ALK: variants seen among roughly 807,000 people sequenced by gnomAD.
ALK encodes the protein ALK receptor tyrosine kinase.
Under a neutral mutation model 163.1 loss-of-function variants are expected in ALK, and 74 were observed. That is an observed-to-expected ratio of 0.45 (90% confidence interval 0.38 to 0.55). The LOEUF (loss-of-function observed/expected upper bound fraction) is 0.55, where lower values mean the gene tolerates loss of function less well. Among genes scored for constraint, ALK ranks in the 20% least tolerant of loss-of-function variants. The pLI is 0.00. For synonymous variants in ALK, 960 were observed against 843.2 expected (o/e 1.14, Z -2.40); for missense variants, 2,063 against 2,105.3 (o/e 0.98, Z 0.39).
chr2:29,564,169 C>T lies in ALK; in HGVS notation c.953-32053G>A, dbSNP rs4632300. Among the ~76,000 whole-genome samples, 17 of 152,210 alleles carry T rather than the reference C, an allele frequency of 1.1e-4. No homozygotes were observed. In the South Asian group the frequency reaches 1.9e-3, roughly 17 times the overall value. On this transcript the variant is annotated intron_variant, in intron 3 of 28. Coordinates refer to ENST00000389048, the MANE Select transcript of ALK (RefSeq NM_004304.5). ...ACTGGCTGTCGTGCGGTGAGTGGTG[C>T]GAGCTTTGGACTCAGCTACATGGGA...
intron 4 of ALK, among the ~76,000 whole-genome samples, chr2:29,402,996 G>A (rs1281784460): frequency 1.3e-5 from 2 of 152,100 alleles, no homozygotes; most frequent in Non-Finnish European, 2.9e-5. Flanking sequence ...CTGAGTGTGG[G>A]GGCATGGTGC....
intron 3 of ALK, among the ~76,000 whole-genome samples, chr2:29,628,845 T>C (rs1373365200): frequency 6.6e-6 from 1 of 152,186 alleles, no homozygotes; most frequent in Non-Finnish European, 1.5e-5. Context: ...GAGAGCATAA[T>C]AAAACATTCA....
intron 3 of ALK, among the ~76,000 whole-genome samples, chr2:29,650,111 A>G (rs1676997737): frequency 2.0e-5 from 3 of 152,170 alleles, no homozygotes; most frequent in East Asian, 1.9e-4. Flanking sequence ...TTGCAGATGA[A>G]TATTAGGGAG....
intron 4 of ALK, among the ~76,000 whole-genome samples, chr2:29,442,346 G>A (rs545694205): frequency 2.6e-5 from 4 of 152,218 alleles, no homozygotes; most frequent in Admixed American, 6.5e-5. Flanking sequence ...GCATGAATGC[G>A]GTTGGGCCAG....
intron 4 of ALK, among the ~76,000 whole-genome samples, chr2:29,447,702 CCGCTT>C (rs765919638): frequency 2.2e-4 from 34 of 152,126 alleles, no homozygotes; most frequent in Non-Finnish European, 4.0e-4. Flanking sequence ...GCTCAGATGG[CCGCTT>C]CACACCTCAG....
At chr2:29,429,344 G>C (rs1670220042) in intron 4 of ALK, among the ~76,000 whole-genome samples, 1 of 151,912 alleles carries the variant, frequency 6.6e-6, no homozygotes, top group Non-Finnish European at 1.5e-5. Context: ...ACATAACCTT[G>C]TGTATAGAAA....
chr2:29,804,014 T>C (rs1205706345), intron 1 of ALK, among the ~76,000 whole-genome samples: 1 of 152,212 alleles, frequency 6.6e-6, no homozygotes, highest in Non-Finnish European at 1.5e-5. Context: ...AGAAGCTGAA[T>C]GAGAAAGACC....
At chr2:29,495,069 A>C (rs544499333) in intron 4 of ALK, among the ~76,000 whole-genome samples, 106 of 152,274 alleles carry the variant, frequency 7.0e-4, no homozygotes, top group Middle Eastern at 3.4e-3. Context: ...TAATTCTCCT[A>C]AGACATCTAA....
chr2:29,816,811 C>T (rs73925204), intron 1 of ALK, among the ~76,000 whole-genome samples: 11,769 of 152,134 alleles, frequency 0.077, 1,317 homozygotes, highest in African/African-American at 0.25. Flanking sequence ...CCCAGCCTGA[C>T]GGGATGTGAT....
At chr2:29,829,195 T>C (rs1268890974) in intron 1 of ALK, among the ~76,000 whole-genome samples, 10 of 144,246 alleles carry the variant, frequency 6.9e-5, no homozygotes, top group South Asian at 2.4e-4. Context: ...GGGATAGCAT[T>C]AGGAGATATA....
rs368580204 is a variant in ALK, at chr2:29,193,704, G to A, written c.4383C>T (p.Ile1461=). 6.2e-7 allele frequency: 1 copy of A among 1,611,194 alleles called. No homozygotes were observed. Among genetic ancestry groups the A allele is most frequent in the Non-Finnish European group, 8.5e-7 (1 of 1,177,864 alleles). The part of the protein sequence containing the change: ...KAAKKPTAAE[I]SVRVPRGPAV... The stretch of plus-strand genomic sequence containing the variant: ...CCGGCCCTCTAGGGACTCGAACAGA[G>A]ATCTCTGCAGCTGTGGGTTTCTTTG... Residue 1461 remains isoleucine (I), a synonymous_variant, in exon 29 of 29, where the codon ATC becomes ATT. Coordinates refer to ENST00000389048, the MANE Select transcript of ALK (RefSeq NM_004304.5).
chr2:29,289,673 T>C (rs1291652033), intron 9 of ALK, among the ~76,000 whole-genome samples: 1 of 152,182 alleles, frequency 6.6e-6, no homozygotes, highest in Non-Finnish European at 1.5e-5. Flanking sequence ...GAGACATTCC[T>C]CTCCCTTCTG....
chr2:29,391,057 G>T (rs1324968225), intron 4 of ALK, among the ~76,000 whole-genome samples: 1 of 152,128 alleles, frequency 6.6e-6, no homozygotes. Context: ...TGTAGGGGGG[G>T]CCAAGGCAGG....
chr2:29,529,369 T>A (rs992764583), intron 4 of ALK, among the ~76,000 whole-genome samples: 1 of 152,222 alleles, frequency 6.6e-6, no homozygotes, highest in Non-Finnish European at 1.5e-5. Context: ...TTCGTAATCA[T>A]CACATTCAAC....
intron 1 of ALK, among the ~76,000 whole-genome samples, chr2:29,851,071 A>AAT (rs1665977026): frequency 6.6e-6 from 1 of 152,174 alleles, no homozygotes; most frequent in Non-Finnish European, 1.5e-5. Context: ...ATTTGTGTTT[A>AAT]ATATATATAT....
chr2:29,203,096 T>C (rs1462069523), intron 26 of ALK, among the ~76,000 whole-genome samples: 1 of 152,176 alleles, frequency 6.6e-6, no homozygotes, highest in Non-Finnish European at 1.5e-5. Context: ...GTTTCTGTTG[T>C]ATTAGGCCTG....
Position 29,254,291 on chromosome 2 carries a change from T to TTC in ALK, c.2042-3026_2042-3025dup, listed in dbSNP as rs200450563. 1.2e-4 allele frequency among the ~76,000 whole-genome samples: 14 copies of TTC among 114,294 alleles called. No homozygotes were observed. The East Asian group carries it at 1.3e-3, about 11-fold the overall frequency. 75.0% of individuals were successfully genotyped at this position (114,294 alleles called of 152,430 possible). ...GGACTAATACATATATGAATACATA[T>TTC]TCTCTCTCTCTCTCTATATATATAT... On this transcript the variant is annotated intron_variant, in intron 11 of 28. Coordinates refer to ENST00000389048, the MANE Select transcript of ALK (RefSeq NM_004304.5).
At chr2:29,408,435 G>A (rs1669644730) in intron 4 of ALK, among the ~76,000 whole-genome samples, 1 of 152,048 alleles carries the variant, frequency 6.6e-6, no homozygotes, top group African/African-American at 2.4e-5. Context: ...AGGATGGAGT[G>A]GACCATGAGG....
chr2:29,823,879 T>A (rs987825599), intron 1 of ALK, among the ~76,000 whole-genome samples: 1 of 151,918 alleles, frequency 6.6e-6, no homozygotes, highest in Admixed American at 6.5e-5. Context: ...TAATAAGGAG[T>A]TGCATATTAA....
Sources: gnomAD v4.1 joint callset for allele counts (sites outside exome capture counted in the v4.1 genomes callset) on GRCh38, gnomAD v4.1.1 for gene constraint, MANE v1.5 for transcripts, NCBI Gene and HGNC (gene_info 2026-07-23, HGNC 2026-07-21) for gene names.